The following LPGAT1 variants were observed in gnomAD, a reference collection of about 807,000 sequenced individuals.
The protein encoded by LPGAT1 is acyl-CoA:lysophosphatidylglycerol acyltransferase 1.
A neutral mutation model predicts 47.5 loss-of-function variants in LPGAT1; 11 were observed. The observed-to-expected ratio is 0.23, with a 90% CI of 0.15 to 0.38. LPGAT1 has a LOEUF of 0.38. LPGAT1 is among the 10% of genes least tolerant of loss of function. The pLI, the probability that LPGAT1 is intolerant of heterozygous loss-of-function variation, is 1.00. For missense variants in LPGAT1, 293 were observed against 439.0 expected, an observed-to-expected ratio of 0.67 and a Z score of 2.97; for synonymous variants, 138 against 144.2, an observed-to-expected ratio of 0.96 and a Z score of 0.31.
intron 2 of LPGAT1, among the ~76,000 whole-genome samples, chr1:211,823,733 T>C (rs750605872): frequency 2.0e-5 from 3 of 151,570 alleles, no homozygotes; most frequent in Admixed American, 6.6e-5. Flanking sequence ...AAACCAGGAG[T>C]TCAAAACCAG....
Position 211,829,149 on chromosome 1 carries a change from C to T in LPGAT1, c.148G>A (p.Asp50Asn). 15 of 1,614,142 alleles carry T rather than the reference C, an allele frequency of 9.3e-6. No individual in the cohort carries two copies. The highest frequency in any genetic ancestry group is 1.3e-5 in the Non-Finnish European group (15 of 1,180,026). Residue 50 changes from aspartate (D) to asparagine (N), a missense_variant, in exon 2 of 8, where the codon GAC becomes AAC. By Grantham distance (23) the Asp-to-Asn change is conservative. Coordinates refer to ENST00000366997, the MANE Select transcript of LPGAT1 (RefSeq NM_014873.3). ...TCGATATACCAGAACCGCTTACTGT[C>T]CAGCACTCGAAGGGGCTGAAGTATA... The part of the protein sequence containing the change: ...VIILQPLRVL[D>N]SKRFWYIEGI...
chr1:211,766,207 T>C (rs571183671), intron 6 of LPGAT1, among the ~76,000 whole-genome samples: 11 of 152,256 alleles, frequency 7.2e-5, no homozygotes, highest in African/African-American at 2.2e-4. Context: ...ACTGACAACG[T>C]TGGCTCCCTT....
chr1:211,756,488 C>A (rs548700598), intron 6 of LPGAT1, among the ~76,000 whole-genome samples: 3 of 152,120 alleles, frequency 2.0e-5, no homozygotes, highest in Non-Finnish European at 4.4e-5. Flanking sequence ...TCATCATGCC[C>A]AGCTAATTTT....
chr1:211,812,380 T>G (rs749989856), intron 2 of LPGAT1, among the ~76,000 whole-genome samples: 9 of 152,146 alleles, frequency 5.9e-5, no homozygotes, highest in Non-Finnish European at 8.8e-5. Flanking sequence ...TGTAAGCATA[T>G]GACACAGAGA....
intron 6 of LPGAT1, among the ~76,000 whole-genome samples, chr1:211,771,098 CAAA>C (rs370445381): frequency 6.3e-5 from 6 of 95,422 alleles, no homozygotes; most frequent in Non-Finnish European, 6.4e-5. Flanking sequence ...GACACTATCT[CAAA>C]AAAAAAAAAA....
chr1:211,771,098 CA>C (rs370445381), intron 6 of LPGAT1, among the ~76,000 whole-genome samples: 1,400 of 95,410 alleles, frequency 0.015, 9 homozygotes, highest in African/African-American at 0.032. Context: ...GACACTATCT[CA>C]AAAAAAAAAA....
intron 3 of LPGAT1, among the ~76,000 whole-genome samples, chr1:211,788,574 C>T (rs951418879): frequency 5.3e-5 from 8 of 151,510 alleles, no homozygotes; most frequent in African/African-American, 1.2e-4. Context: ...CCCAGCTACT[C>T]GGGAGGTTGA....
chr1:211,760,282 C>T (rs536126684), intron 6 of LPGAT1, among the ~76,000 whole-genome samples: 19 of 152,120 alleles, frequency 1.2e-4, no homozygotes, highest in Middle Eastern at 3.4e-3. Context: ...AGAGAAACCC[C>T]GTCTCTACTA....
rs1417977474 is a variant in LPGAT1 at position 211,744,886 on chromosome 1, A to G, written c.*5013T>C. 6.6e-6 allele frequency: 1 copy of G among 152,666 alleles called. No homozygotes were observed. Among genetic ancestry groups the G allele is most frequent in the Non-Finnish European group, 1.5e-5 (1 of 68,052 alleles). The allele number at this position is 152,666 out of a possible 1,614,324, so 9.5% of individuals were successfully genotyped here. ...TTTGCCTTCAGCATCCAACTGCCAC[A>G]GTGTGCTTTAAGTACTTGCCTGCAG... On this transcript the variant is annotated 3_prime_UTR_variant, in exon 8 of 8. Coordinates refer to ENST00000366997, the MANE Select transcript of LPGAT1 (RefSeq NM_014873.3).
At chr1:211,816,226 C>T (rs965294577) in intron 2 of LPGAT1, among the ~76,000 whole-genome samples, 11 of 152,250 alleles carry the variant, frequency 7.2e-5, no homozygotes, top group Middle Eastern at 3.4e-3. Flanking sequence ...CTGTCTCATC[C>T]TCTCATAGCC....
chr1:211,830,521 G>A lies in LPGAT1; in HGVS notation c.-28+52C>T. On this transcript the variant is annotated intron_variant, in intron 1 of 7. Coordinates refer to ENST00000366997, the MANE Select transcript of LPGAT1 (RefSeq NM_014873.3). This position sits in a 1 kb window ranked among gnomAD's most constrained non-coding sequence, Gnocchi z 5.9. ...CTTCCCCGCCCCCAGCGCCTCCCCTGGCCCGGCTCCGCTGCCGCTCTGGGG... is the reference window on the plus strand; with the variant it reads ...CTTCCCCGCCCCCAGCGCCTCCCCTAGCCCGGCTCCGCTGCCGCTCTGGGG... The A allele has an allele frequency of 8.3e-7, 1 of 1,201,480 alleles. No homozygotes were observed. The highest frequency in any genetic ancestry group is 4.2e-5 in the South Asian group (1 of 23,960). 74.4% of individuals were successfully genotyped at this position (1,201,480 alleles called of 1,614,324 possible). A position where few individuals can be genotyped will look rare whatever the true frequency, so the allele number is the denominator to read the frequency against.
chr1:211,816,755 T>C (rs565292444), intron 2 of LPGAT1, among the ~76,000 whole-genome samples: 2 of 152,306 alleles, frequency 1.3e-5, no homozygotes, highest in Non-Finnish European at 2.9e-5. Context: ...ATAACCTCCA[T>C]TTTTACAGAT....
At chr1:211,779,116 C>T (rs1658529951) in intron 5 of LPGAT1, 72 bp from the exon 6 acceptor site, 1 of 1,305,246 alleles carries the variant, frequency 7.7e-7, no homozygotes, top group African/African-American at 1.5e-5. Context: ...ACATAGATTA[C>T]TTGACCAGTG....
At chr1:211,793,722 T>C (rs1460445079) in intron 2 of LPGAT1, among the ~76,000 whole-genome samples, 1 of 152,178 alleles carries the variant, frequency 6.6e-6, no homozygotes, top group Non-Finnish European at 1.5e-5. Context: ...CGTGAGCCAC[T>C]GTGCCCAGCT....
intron 2 of LPGAT1, among the ~76,000 whole-genome samples, chr1:211,805,410 G>A (rs1282648700): frequency 6.6e-6 from 1 of 152,140 alleles, no homozygotes; most frequent in African/African-American, 2.4e-5. Flanking sequence ...AAAAGTGAAA[G>A]ACAGAATGGT....
In LPGAT1 at chr1:211,787,743, G is replaced by GC. The variant is rs765253993; in HGVS notation, c.358-17dup. The GC allele has an allele frequency of 8.6e-6, 13 of 1,504,438 alleles. No homozygotes were observed. The South Asian group carries it at 1.4e-4, about 16-fold the overall frequency. 93.2% of individuals were successfully genotyped at this position (1,504,438 alleles called of 1,614,324 possible). On this transcript the variant is annotated splice_polypyrimidine_tract_variant and intron_variant, in intron 3 of 7. Coordinates refer to ENST00000366997, the MANE Select transcript of LPGAT1 (RefSeq NM_014873.3). ...GAGCAACAACCTAAAATATTTAAAA[G>GC]CAAGAAATAATATTGGATAGAAGAA...
chr1:211,795,445 G>A (rs775109219), intron 2 of LPGAT1, among the ~76,000 whole-genome samples: 14 of 152,120 alleles, frequency 9.2e-5, no homozygotes, highest in Admixed American at 5.2e-4. Context: ...TCAGCTCACC[G>A]CAACCTCCGA....
intron 6 of LPGAT1, among the ~76,000 whole-genome samples, chr1:211,764,160 G>C (rs555920876): frequency 6.9e-6 from 1 of 145,928 alleles, no homozygotes; most frequent in South Asian, 2.2e-4. Flanking sequence ...CGACTAGAGA[G>C]AGACTCCATC....
intron 2 of LPGAT1, among the ~76,000 whole-genome samples, chr1:211,822,326 T>A (rs534504768): frequency 6.6e-6 from 1 of 152,298 alleles, no homozygotes; most frequent in South Asian, 2.1e-4. Flanking sequence ...ATCAAATTTG[T>A]AGTACCACCA....
Sources: allele counts gnomAD v4.1 joint callset (sites outside exome capture counted in the v4.1 genomes callset), GRCh38; gene constraint gnomAD v4.1.1; non-coding constraint Gnocchi (gnomAD v3.1); transcripts MANE v1.5; gene names NCBI Gene and HGNC (gene_info 2026-07-23, HGNC 2026-07-21).